Variants in IL31RA observed in about 807,000 individuals in gnomAD.
IL31RA encodes the protein interleukin-31 receptor subunit alpha.
Under a neutral mutation model 83.7 loss-of-function variants are expected in IL31RA, and 66 were observed. The ratio of observed to expected loss-of-function variants is 0.79; its 90% CI spans 0.65 to 0.97. The LOEUF (loss-of-function observed/expected upper bound fraction) is 0.97, where lower values mean the gene tolerates loss of function less well. Ranked by LOEUF, IL31RA falls within the 50% of genes least tolerant of loss-of-function variation. IL31RA has a pLI of 0.00. For missense variants in IL31RA, 798 were observed against 919.4 expected, an observed-to-expected ratio of 0.87 and a Z score of 1.71; for synonymous variants, 325 against 329.0, an observed-to-expected ratio of 0.99 and a Z score of 0.13.
intron 4 of IL31RA, among the ~76,000 whole-genome samples, chr5:55,872,685 A>G (rs1746603631): frequency 6.6e-6 from 1 of 152,048 alleles, no homozygotes; most frequent in Admixed American, 6.6e-5. Context: ...AATGAGAAAC[A>G]AAAGCTATTT....
upstream of IL31RA, among the ~76,000 whole-genome samples, chr5:55,850,209 T>G (rs1271235431): frequency 1.3e-5 from 2 of 152,190 alleles, no homozygotes; most frequent in Non-Finnish European, 2.9e-5. Context: ...TAGATTTATT[T>G]TCATTTATTA....
chr5:55,854,238 C>T (rs1347767442), intron 1 of IL31RA, among the ~76,000 whole-genome samples: 2 of 152,148 alleles, frequency 1.3e-5, no homozygotes, highest in African/African-American at 2.4e-5. Context: ...CAGCCCACAA[C>T]CCAAATGGAT....
At chr5:55,889,442 C>T (rs970619417) in intron 5 of IL31RA, among the ~76,000 whole-genome samples, 6 of 152,168 alleles carry the variant, frequency 3.9e-5, no homozygotes, top group Non-Finnish European at 8.8e-5. Flanking sequence ...TTGGGTAAAA[C>T]GAAAAAGCCG....
rs138102925 is a variant in IL31RA, at chr5:55,908,201, TG to T, written c.1355-63del. On this transcript the variant is annotated intron_variant, in intron 10 of 14. Transcript: ENST00000652347. The stretch of plus-strand genomic sequence containing the variant: ...TGGTCTGAGTACTGGCCAGGGCCTT[TG>T]TGGGGGAACGATCTCCTGGAGTGCG... The T allele has an allele frequency of 4.6e-4, 742 of 1,609,092 alleles. 4 individuals are homozygous for T. In the African/African-American group the frequency reaches 9.1e-3, roughly 20 times the overall value.
intron 5 of IL31RA, among the ~76,000 whole-genome samples, chr5:55,888,372 C>A (rs751507378): frequency 1.6e-4 from 25 of 152,190 alleles, no homozygotes; most frequent in Admixed American, 5.9e-4. Context: ...GCCGTTTCAT[C>A]TTCTCTGAGG....
chr5:55,893,207 A>G (rs1194384984), intron 6 of IL31RA, among the ~76,000 whole-genome samples: 1 of 152,216 alleles, frequency 6.6e-6, no homozygotes, highest in East Asian at 1.9e-4. Flanking sequence ...TCCTGGCTTT[A>G]TTTCTTAAAC....
At chr5:55,914,385 G>A (rs1749667599) in intron 13 of IL31RA, among the ~76,000 whole-genome samples, 1 of 152,126 alleles carries the variant, frequency 6.6e-6, no homozygotes, top group African/African-American at 2.4e-5. Context: ...GTGGTTCTAG[G>A]GTAAAGCCCC....
intron 4 of IL31RA, among the ~76,000 whole-genome samples, chr5:55,877,733 G>A (rs1203012119): frequency 6.6e-6 from 1 of 152,126 alleles, no homozygotes; most frequent in Non-Finnish European, 1.5e-5. Flanking sequence ...GTGATGAGTT[G>A]TATCTCTCTT....
Position 55,919,084 on chromosome 5 carries a change from G to A in IL31RA, c.*1964G>A, listed in dbSNP as rs536090124. On this transcript the variant is annotated 3_prime_UTR_variant, in exon 15 of 15. Transcript: ENST00000652347. ...TGAGCCCACTGTCCCCAGAGTTCCA[G>A]ATGGGGCCTTTGGCAACCCCACCTT... 3.9e-5 allele frequency among the ~76,000 whole-genome samples: 6 copies of A among 152,248 alleles called. No homozygotes were observed. The highest frequency in any genetic ancestry group is 1.4e-4 in the African/African-American group (6 of 41,534).
chr5:55,899,821 C>T, intron 7 of IL31RA, 95 bp from the exon 8 acceptor site: 1 of 818,976 alleles, frequency 1.2e-6, no homozygotes, highest in Non-Finnish European at 2.1e-6. Flanking sequence ...AATAGTTAGC[C>T]TTATTCCCCA....
chr5:55,883,249 C>G, intron 5 of IL31RA, 54 bp downstream of exon 5: 1 of 1,398,822 alleles, frequency 7.1e-7, no homozygotes, highest in Non-Finnish European at 1.0e-6. Flanking sequence ...GGAAAAGAAT[C>G]ATTGACAACT....
chr5:55,843,844 A>G, the IL31RA span, among the ~76,000 whole-genome samples: 1 of 152,002 alleles, frequency 6.6e-6, no homozygotes, highest in Non-Finnish European at 1.5e-5. Flanking sequence ...TTTATATTTA[A>G]TCTATATGTG....
Position 55,898,671 on chromosome 5 carries a change from TTTTTAAAA to T in IL31RA, c.853-1244_853-1237del, listed in dbSNP as rs1181701001. 7.8e-4 allele frequency among the ~76,000 whole-genome samples: 100 copies of T among 128,082 alleles called. 1 individual carries two copies. The highest frequency in any genetic ancestry group is 2.7e-3 in the African/African-American group (95 of 35,550). The allele number at this position is 128,082 out of a possible 152,430, so 84.0% of individuals were successfully genotyped here. On this transcript the variant is annotated intron_variant, in intron 7 of 14. Coordinates refer to ENST00000652347, the MANE Select transcript of IL31RA (RefSeq NM_139017.7). Reference sequence around the variant, plus strand: ...GATTTTAAATAACATATTAATATGTTTTTTAAAAAGATTTTAAATAACATATTAATATG... The same window carrying T: ...GATTTTAAATAACATATTAATATGTTAGATTTTAAATAACATATTAATATG...
Position 55,903,569 on chromosome 5 carries a change from G to A in IL31RA, c.1070-2537G>A, listed in dbSNP as rs1479888661. ...GGTTGACTCATGGTTTCCTGGGGCC[G>A]GCGCCACGCCCCTGTGGTCTCCGCA... is the stretch of plus-strand genomic sequence containing the variant. On this transcript the variant is annotated intron_variant, in intron 8 of 14. Coordinates refer to ENST00000652347, the MANE Select transcript of IL31RA (RefSeq NM_139017.7). The surrounding 1 kb of genome is among the most constrained non-coding windows in gnomAD (Gnocchi z 4.7). Among the ~76,000 whole-genome samples the A allele has an allele frequency of 1.3e-5, 2 of 152,128 alleles. No individual in the cohort carries two copies. The highest frequency in any genetic ancestry group is 2.9e-5 in the Non-Finnish European group (2 of 68,028).
chr5:55,913,302 G>A (rs1383982364), intron 12 of IL31RA, among the ~76,000 whole-genome samples, 175 bp from the exon 13 acceptor site: 1 of 152,062 alleles, frequency 6.6e-6, no homozygotes, highest in Non-Finnish European at 1.5e-5. Context: ...ATGTTGGCCA[G>A]GCAGGTCTCA....
In IL31RA at chr5:55,875,345, T is replaced by G. The variant is rs146219828; in HGVS notation, c.454+2894T>G. 1.2e-4 allele frequency among the ~76,000 whole-genome samples: 18 copies of G among 152,292 alleles called. No individual in the cohort carries two copies. The East Asian group carries it at 3.1e-3, about 26-fold the overall frequency. On this transcript the variant is annotated intron_variant, in intron 4 of 14. Coordinates refer to ENST00000652347, the MANE Select transcript of IL31RA (RefSeq NM_139017.7). ...AGCTTTCTTGTGATATCTTTGTTTTTGGTATCAGGGTAATATTGGCCTCAT... is the reference window on the plus strand; with the variant it reads ...AGCTTTCTTGTGATATCTTTGTTTTGGGTATCAGGGTAATATTGGCCTCAT...
chr5:55,906,155 A>T lies in IL31RA; in HGVS notation c.1119A>T (p.Leu373=), dbSNP rs1561118496. The part of the protein sequence containing the change: ...VMQACVAEDQ[L]VVKWQSSALD... The stretch of plus-strand genomic sequence containing the variant: ...AGGCCTGCGTTGCTGAGGACCAGCT[A>T]GTGGTGAAGTGGCAAAGCTCTGCTC... The change falls in exon 9 of 15, where the codon CTA becomes CTT. Residue 373 remains leucine, a synonymous_variant. Coordinates refer to ENST00000652347, the MANE Select transcript of IL31RA (RefSeq NM_139017.7). The T allele has an allele frequency of 6.2e-7, 1 of 1,613,842 alleles. No homozygotes were observed. The highest frequency in any genetic ancestry group is 1.7e-5 in the Admixed American group (1 of 60,012).
In IL31RA at chr5:55,913,507, T is replaced by C; in HGVS notation, c.1673T>C (p.Leu558Pro). 1 of 1,613,646 alleles carries C rather than the reference T, an allele frequency of 6.2e-7. No homozygotes were observed. Among genetic ancestry groups the C allele is most frequent in the Non-Finnish European group, 8.5e-7 (1 of 1,179,496 alleles). ...SVFEIILITS[L>P]IGGGLLILII... ...TTTGAGATTATCCTCATAACTTCTC[T>C]GATTGGTGGAGGCCTTCTTATTCTC... Residue 558 changes from leucine (L) to proline (P), a missense_variant, in exon 13 of 15, where the codon CTG (leucine) becomes CCG (proline). Transcript: ENST00000652347.
chr5:55,843,392 TG>T, the IL31RA span, among the ~76,000 whole-genome samples: 1 of 152,186 alleles, frequency 6.6e-6, no homozygotes, highest in African/African-American at 2.4e-5. Context: ...GTGGGAAATA[TG>T]TCCTCCACTC....
Sources: gnomAD v4.1 joint callset for allele counts (sites outside exome capture counted in the v4.1 genomes callset) on GRCh38, gnomAD v4.1.1 for gene constraint, Gnocchi (gnomAD v3.1) non-coding constraint, MANE v1.5 for transcripts, NCBI Gene and HGNC (gene_info 2026-07-23, HGNC 2026-07-21) for gene names.